Variants in LHFPL4 observed in about 807,000 individuals in gnomAD.
LHFPL4 encodes the protein LHFPL tetraspan subfamily member 4.
A neutral mutation model predicts 20.0 loss-of-function variants in LHFPL4; 6 were observed. The ratio of observed to expected loss-of-function variants is 0.30; its 90% CI spans 0.16 to 0.59. The LOEUF is 0.59. Ranked by LOEUF, LHFPL4 falls within the 20% of genes least tolerant of loss-of-function variation. The pLI is 0.88. For synonymous variants in LHFPL4, 129 were observed against 143.8 expected, an observed-to-expected ratio of 0.90 and a Z score of 0.74; for missense variants, 215 against 331.2, an observed-to-expected ratio of 0.65 and a Z score of 2.72.
At chr3:9,532,058 C>G (rs1207422660) in intron 2 of LHFPL4, among the ~76,000 whole-genome samples, 1 of 152,166 alleles carries the variant, frequency 6.6e-6, no homozygotes, top group Non-Finnish European at 1.5e-5. Flanking sequence ...TGGAGTCTCA[C>G]TCTGTCACCC....
At chr3:9,536,408 G>A (rs1304809102) in intron 2 of LHFPL4, among the ~76,000 whole-genome samples, 1 of 152,126 alleles carries the variant, frequency 6.6e-6, no homozygotes, top group Non-Finnish European at 1.5e-5. Context: ...GCTGAGGCCA[G>A]CCTGGGAGGT....
chr3:9,550,504 C>G (rs2046546710), intron 2 of LHFPL4: 1 of 152,096 alleles, frequency 6.6e-6, no homozygotes, highest in Admixed American at 6.6e-5. Flanking sequence ...TCTAAGGTGC[C>G]TGAAATTCTA....
At position 9,499,563 on chromosome 3, in the gene LHFPL4, C is replaced by G. The variant is rs1324190285; in HGVS notation, c.*2648G>C. On this transcript the variant is annotated 3_prime_UTR_variant, in exon 4 of 4. Coordinates refer to ENST00000287585, the MANE Select transcript of LHFPL4 (RefSeq NM_198560.3). ...ACCCCACCAGGGAACTAGCCTCCCT[C>G]CTCTCCACCCGGCGCTGACCCACTC... 6.6e-6 allele frequency: 1 copy of G among 152,458 alleles called. No homozygotes were observed. Among genetic ancestry groups the G allele is most frequent in the Non-Finnish European group, 1.5e-5 (1 of 68,214 alleles). 9.4% of individuals were successfully genotyped at this position (152,458 alleles called of 1,614,324 possible).
At chr3:9,545,725 A>T (rs1186149856) in intron 2 of LHFPL4, among the ~76,000 whole-genome samples, 2 of 151,878 alleles carry the variant, frequency 1.3e-5, no homozygotes, top group Non-Finnish European at 2.9e-5. Context: ...CAAAATAAAT[A>T]AATAAATAAG....
chr3:9,511,739 A>G (rs1019436131), intron 2 of LHFPL4, among the ~76,000 whole-genome samples: 25 of 152,162 alleles, frequency 1.6e-4, no homozygotes, highest in Non-Finnish European at 1.6e-4. Context: ...CCTATTAGTA[A>G]GTGTGAGAGG....
intron 2 of LHFPL4, among the ~76,000 whole-genome samples, chr3:9,538,932 T>C (rs1413468647): frequency 2.0e-5 from 3 of 151,914 alleles, no homozygotes; most frequent in African/African-American, 7.3e-5. Context: ...ACCCCTGACC[T>C]CAGGTGATCT....
intron 2 of LHFPL4, among the ~76,000 whole-genome samples, chr3:9,519,253 T>G (rs1308766232): frequency 6.6e-6 from 1 of 152,040 alleles, no homozygotes; most frequent in African/African-American, 2.4e-5. Context: ...TTTTGTATTT[T>G]TACTAGAGAT....
In LHFPL4 at chr3:9,509,981, G is replaced by A. The variant is rs77509953; in HGVS notation, c.407-3778C>T. 7.1e-3 allele frequency among the ~76,000 whole-genome samples: 1,081 copies of A among 152,318 alleles called. 11 individuals are homozygous for A. The highest frequency in any genetic ancestry group is 0.05 in the East Asian group (257 of 5,172). On this transcript the variant is annotated intron_variant, in intron 2 of 3. Coordinates refer to ENST00000287585, the MANE Select transcript of LHFPL4 (RefSeq NM_198560.3). ...TGGGCTGGCTGAAGACCCAGCTGCT[G>A]CTAGGCACATACACGGGTGCAGGAT... is the stretch of plus-strand genomic sequence containing the variant.
At chr3:9,525,551 A>T (rs2633800) in intron 2 of LHFPL4, among the ~76,000 whole-genome samples, 6,189 of 152,302 alleles carry the variant, frequency 0.041, 178 homozygotes, top group Non-Finnish European at 0.061. Context: ...AGGATGGAGT[A>T]GCAGCTTCCA....
chr3:9,525,634 A>C (rs1234130992), intron 2 of LHFPL4, among the ~76,000 whole-genome samples: 2 of 152,232 alleles, frequency 1.3e-5, no homozygotes, highest in East Asian at 3.8e-4. Flanking sequence ...TATGCATACT[A>C]TGAAATGCAT....
At chr3:9,530,649 T>C (rs980143515) in intron 2 of LHFPL4, among the ~76,000 whole-genome samples, 8 of 152,192 alleles carry the variant, frequency 5.3e-5, no homozygotes, top group African/African-American at 1.9e-4. Flanking sequence ...AACTTTTCCT[T>C]TGCATTCACA....
chr3:9,507,477 T>TA (rs2046227228), intron 2 of LHFPL4, among the ~76,000 whole-genome samples: 1 of 152,248 alleles, frequency 6.6e-6, no homozygotes, highest in Non-Finnish European at 1.5e-5. Context: ...CAGCAAAGTG[T>TA]AAAGTGCCTG....
intron 2 of LHFPL4, among the ~76,000 whole-genome samples, chr3:9,541,366 C>T (rs1480677914): frequency 1.3e-5 from 2 of 152,154 alleles, no homozygotes; most frequent in Non-Finnish European, 2.9e-5. Context: ...GACAAGGGTA[C>T]CAGAACCATT....
intron 2 of LHFPL4, among the ~76,000 whole-genome samples, chr3:9,522,978 T>C (rs1380298946): frequency 6.3e-5 from 9 of 141,752 alleles, no homozygotes; most frequent in Non-Finnish European, 1.2e-4. Context: ...GAGGCGGAGC[T>C]TGCAGTGAGC....
intron 2 of LHFPL4, among the ~76,000 whole-genome samples, chr3:9,549,713 A>G (rs1401066079): frequency 6.6e-6 from 1 of 152,128 alleles, no homozygotes; most frequent in Non-Finnish European, 1.5e-5. Flanking sequence ...TTAAAAAAAA[A>G]GTTAACAGGT....
At chr3:9,532,963 G>T (rs937993423) in intron 2 of LHFPL4, among the ~76,000 whole-genome samples, 1 of 152,198 alleles carries the variant, frequency 6.6e-6, no homozygotes, top group Non-Finnish European at 1.5e-5. Context: ...TGCTGCAGGG[G>T]CCCTGGAGGA....
chr3:9,516,191 T>A (rs930754663), intron 2 of LHFPL4, among the ~76,000 whole-genome samples: 5 of 152,216 alleles, frequency 3.3e-5, no homozygotes, highest in Non-Finnish European at 7.3e-5. Context: ...TAGCTTTTTT[T>A]AGCCTATATT....
chr3:9,516,823 A>G (rs2046306087), intron 2 of LHFPL4, among the ~76,000 whole-genome samples: 1 of 124,966 alleles, frequency 8.0e-6, no homozygotes, highest in South Asian at 2.5e-4. Flanking sequence ...TCTTGCTCCC[A>G]GGCTGGAGTG....
At chr3:9,508,410 G>A (rs1457781729) in intron 2 of LHFPL4, among the ~76,000 whole-genome samples, 1 of 152,204 alleles carries the variant, frequency 6.6e-6, no homozygotes, top group Admixed American at 6.5e-5. Flanking sequence ...CTAAGGGCTG[G>A]GAAAAGAGTT....
Sources: gnomAD v4.1 joint callset for allele counts (sites outside exome capture counted in the v4.1 genomes callset) on GRCh38, gnomAD v4.1.1 for gene constraint, MANE v1.5 for transcripts, NCBI Gene and HGNC (gene_info 2026-07-23, HGNC 2026-07-21) for gene names.